CTTNBP2NL: variants seen among roughly 807,000 people sequenced by gnomAD.
The protein encoded by CTTNBP2NL is CTTNBP2 N-terminal like.
Under a neutral mutation model 32.5 loss-of-function variants are expected in CTTNBP2NL, and 16 were observed. That is an observed-to-expected ratio of 0.49 (90% CI 0.33 to 0.75). The LOEUF is 0.75. CTTNBP2NL is among the 30% of genes least tolerant of loss of function. The pLI is 0.02. For missense variants in CTTNBP2NL, 645 were observed against 756.0 expected (o/e 0.85, Z 1.72); for synonymous variants, 298 against 289.4 (o/e 1.03, Z -0.30).
chr1:112,403,560 G>A (rs1044201177), intron 1 of CTTNBP2NL, among the ~76,000 whole-genome samples: 3 of 152,176 alleles, frequency 2.0e-5, no homozygotes, highest in African/African-American at 7.2e-5. Flanking sequence ...TACGAATGTA[G>A]ATACATATCC....
intron 3 of CTTNBP2NL, among the ~76,000 whole-genome samples, chr1:112,419,025 C>G (rs1649147484): frequency 6.6e-6 from 1 of 152,118 alleles, no homozygotes; most frequent in Non-Finnish European, 1.5e-5. Context: ...TTTAAATCAT[C>G]TATACAATGA....
chr1:112,423,990 T>A (rs1649315495), intron 3 of CTTNBP2NL, among the ~76,000 whole-genome samples: 1 of 152,250 alleles, frequency 6.6e-6, no homozygotes, highest in Non-Finnish European at 1.5e-5. Flanking sequence ...CCCAAAGTGC[T>A]GGGATTACAG....
intron 3 of CTTNBP2NL, among the ~76,000 whole-genome samples, chr1:112,424,108 G>GT (rs1311378054): frequency 3.3e-5 from 5 of 152,014 alleles, no homozygotes; most frequent in East Asian, 1.9e-4. Context: ...GTTTTCTCCT[G>GT]TTTTTTTGTT....
At chr1:112,424,061 T>C (rs1649317629) in intron 3 of CTTNBP2NL, among the ~76,000 whole-genome samples, 1 of 152,212 alleles carries the variant, frequency 6.6e-6, no homozygotes, top group Non-Finnish European at 1.5e-5. Flanking sequence ...TTTAATGTTA[T>C]ATCTAGGAAA....
At chr1:112,418,241 G>A (rs992701626) in intron 3 of CTTNBP2NL, among the ~76,000 whole-genome samples, 3 of 152,126 alleles carry the variant, frequency 2.0e-5, no homozygotes, top group Non-Finnish European at 4.4e-5. Flanking sequence ...CCCATAGGCT[G>A]TAAGTTGACC....
upstream of CTTNBP2NL, among the ~76,000 whole-genome samples, chr1:112,395,361 C>CT (rs897247739): frequency 5.9e-5 from 9 of 152,220 alleles, no homozygotes; most frequent in Non-Finnish European, 1.0e-4. Context: ...ACTCCCCTCT[C>CT]TGAGTTATTT....
At chr1:112,403,823 C>G (rs1648577968) in intron 1 of CTTNBP2NL, among the ~76,000 whole-genome samples, 1 of 152,212 alleles carries the variant, frequency 6.6e-6, no homozygotes, top group Non-Finnish European at 1.5e-5. Flanking sequence ...CAGGAACTGG[C>G]CAGGCCATCT....
At chr1:112,441,066 A>G (rs1227428036) in intron 3 of CTTNBP2NL, among the ~76,000 whole-genome samples, 2 of 152,208 alleles carry the variant, frequency 1.3e-5, no homozygotes, top group African/African-American at 2.4e-5. Context: ...TATAATTTGG[A>G]TATAGTGAAA....
At chr1:112,394,344 C>T (rs1013850308), upstream of CTTNBP2NL, among the ~76,000 whole-genome samples, 1 of 152,164 alleles carries the variant, frequency 6.6e-6, no homozygotes, top group African/African-American at 2.4e-5. Flanking sequence ...GGCACTTCCT[C>T]ATTGCATACA....
intron 1 of CTTNBP2NL, among the ~76,000 whole-genome samples, chr1:112,403,367 G>A (rs1648559924): frequency 6.6e-6 from 1 of 151,110 alleles, no homozygotes; most frequent in Non-Finnish European, 1.5e-5. Context: ...GAGATTGAAA[G>A]TGCTGTACAT....
chr1:112,451,985 T>G (rs1650232916), intron 4 of CTTNBP2NL, among the ~76,000 whole-genome samples: 1 of 152,096 alleles, frequency 6.6e-6, no homozygotes, highest in Non-Finnish European at 1.5e-5. Context: ...TTATTAAAAT[T>G]TTTTCTCTGC....
chr1:112,424,012 C>T (rs1307259021), intron 3 of CTTNBP2NL, among the ~76,000 whole-genome samples: 6 of 152,178 alleles, frequency 3.9e-5, no homozygotes, highest in African/African-American at 1.2e-4. Context: ...CATGAGCCGC[C>T]GTGCCCAGCC....
chr1:112,445,128 G>A (rs1345596125), intron 3 of CTTNBP2NL, among the ~76,000 whole-genome samples: 8 of 152,202 alleles, frequency 5.3e-5, no homozygotes, highest in African/African-American at 1.9e-4. Context: ...AAGCATGGAA[G>A]TGGGTCCATC....
chr1:112,437,145 GTA>G (rs991955198), intron 3 of CTTNBP2NL, among the ~76,000 whole-genome samples: 1 of 152,152 alleles, frequency 6.6e-6, no homozygotes, highest in African/African-American at 2.4e-5. Flanking sequence ...ATTCCTTTGG[GTA>G]TATATTGAGT....
intron 3 of CTTNBP2NL, among the ~76,000 whole-genome samples, chr1:112,423,138 C>T (rs535462740): frequency 1.3e-5 from 2 of 152,114 alleles, no homozygotes; most frequent in African/African-American, 4.8e-5. Context: ...AATCTTTTGC[C>T]CATTTTTTTT....
At chr1:112,398,944 A>T (rs1240112116) in intron 1 of CTTNBP2NL, among the ~76,000 whole-genome samples, 1 of 152,010 alleles carries the variant, frequency 6.6e-6, no homozygotes, top group African/African-American at 2.4e-5. Flanking sequence ...TTAGGATTTT[A>T]TTGTTCTAAA....
intron 1 of CTTNBP2NL, among the ~76,000 whole-genome samples, chr1:112,407,873 C>T (rs1265738469): frequency 2.1e-5 from 2 of 94,694 alleles, no homozygotes; most frequent in African/African-American, 3.8e-5. Context: ...GAGGCAGGGT[C>T]TCGCTGTATT....
Position 112,456,899 on chromosome 1 carries a change from A to G in CTTNBP2NL, c.1407A>G (p.Gln469=), listed in dbSNP as rs1650384239. The part of the protein sequence containing the change: ...FHAARHKFQS[Q]ADQDQQASGL... ...CAGCTCGCCACAAATTTCAGTCCCA[A>G]GCAGATCAGGACCAACAAGCCAGTG... Residue 469 remains glutamine, a synonymous_variant, in exon 6 of 6, where the codon CAA becomes CAG. Coordinates refer to ENST00000271277, the MANE Select transcript of CTTNBP2NL (RefSeq NM_018704.3). The G allele has an allele frequency of 1.2e-6, 2 of 1,613,978 alleles. No homozygotes were observed. The highest frequency in any genetic ancestry group is 1.7e-5 in the Admixed American group (1 of 59,996).
At chr1:112,392,699 G>C (rs957984211), upstream of CTTNBP2NL, among the ~76,000 whole-genome samples, 13 of 152,124 alleles carry the variant, frequency 8.5e-5, no homozygotes, top group Admixed American at 6.5e-5. Flanking sequence ...GAGACATAGA[G>C]AGAAGGCCAT....
Sources: gnomAD v4.1 joint callset for allele counts (sites outside exome capture counted in the v4.1 genomes callset) on GRCh38, gnomAD v4.1.1 for gene constraint, MANE v1.5 for transcripts, NCBI Gene and HGNC (gene_info 2026-07-23, HGNC 2026-07-21) for gene names.